The following SMARCA5 variants were observed in gnomAD, a reference collection of about 807,000 sequenced individuals.
SMARCA5 encodes the protein SNF2 related chromatin remodeling ATPase 5.
A neutral mutation model predicts 140.4 loss-of-function variants in SMARCA5; 18 were observed. That is an observed-to-expected ratio of 0.13 (90% CI 0.09 to 0.19). The LOEUF is 0.19. Among genes scored for constraint, SMARCA5 ranks in the 10% least tolerant of loss-of-function variants. SMARCA5 has a pLI of 1.00. For synonymous variants in SMARCA5, 449 were observed against 419.6 expected (o/e 1.07, Z -0.86); for missense variants, 606 against 1,276.8 (o/e 0.47, Z 8.01).
At chr4:143,553,016 T>TA (rs1455837763) in intron 23 of SMARCA5, 103 bp from the exon 24 acceptor site, 8 of 822,412 alleles carry the variant, frequency 9.7e-6, no homozygotes, top group Non-Finnish European at 1.7e-5. Flanking sequence ...TCATACCTAT[T>TA]ACTTTGTAGT....
chr4:143,528,990 A>G (rs1458002583), intron 8 of SMARCA5, among the ~76,000 whole-genome samples: 3 of 152,054 alleles, frequency 2.0e-5, no homozygotes, highest in Admixed American at 1.3e-4. Flanking sequence ...GCTGAAGTGC[A>G]GTGGTGTGAT....
intron 14 of SMARCA5, 24 bp downstream of exon 14, chr4:143,540,519 T>C (rs750387928): frequency 1.3e-6 from 2 of 1,592,524 alleles, no homozygotes; most frequent in Non-Finnish European, 1.7e-6. Context: ...CTTTAAAACT[T>C]TACCAAGTTG....
chr4:143,521,265 T>G (rs1736951884), intron 2 of SMARCA5, among the ~76,000 whole-genome samples, 164 bp from the exon 3 acceptor site: 1 of 152,146 alleles, frequency 6.6e-6, no homozygotes, highest in South Asian at 2.1e-4. Flanking sequence ...GTGTTTGGCT[T>G]CTTTCACTTT....
chr4:143,537,612 T>G (rs1298167312), intron 11 of SMARCA5, among the ~76,000 whole-genome samples: 22 of 151,848 alleles, frequency 1.4e-4, no homozygotes, highest in Non-Finnish European at 2.9e-5. Flanking sequence ...TAATGAAAGG[T>G]ATATTAAACT....
At chr4:143,539,338 C>CTAT (rs1191911030) in intron 13 of SMARCA5, among the ~76,000 whole-genome samples, 4 of 152,118 alleles carry the variant, frequency 2.6e-5, no homozygotes, top group African/African-American at 9.7e-5. Context: ...ATAGTTATAT[C>CTAT]ACAGGACCAA....
At position 143,555,550 on chromosome 4, in the gene SMARCA5, C is replaced by T. The variant is rs1737729555; in HGVS notation, c.*2366C>T. The T allele has an allele frequency of 2.8e-6, 1 of 356,292 alleles. No individual in the cohort carries two copies. Among genetic ancestry groups the T allele is most frequent in the South Asian group, 2.9e-5 (1 of 35,074 alleles). 22.1% of individuals were successfully genotyped at this position (356,292 alleles called of 1,614,324 possible). On this transcript the variant is annotated 3_prime_UTR_variant, in exon 24 of 24. Transcript: ENST00000283131. The stretch of plus-strand genomic sequence containing the variant: ...TTGCTAAATGTTTTAATAATCTGAT[C>T]ATGATACTGAATAAATGTCTTTTTT...
chr4:143,548,295 G>C (rs1737571161), intron 22 of SMARCA5, 155 bp downstream of exon 22: 2 of 506,424 alleles, frequency 3.9e-6, no homozygotes, highest in Admixed American at 6.6e-5. Context: ...TAGCTTACAA[G>C]TTTATTGGTC....
rs769674972 is a variant in SMARCA5 at position 143,554,967 on chromosome 4, G to C, written c.*1783G>C. On this transcript the variant is annotated 3_prime_UTR_variant, in exon 24 of 24. Transcript: ENST00000283131. ...TCACTTGAAAAAAAAGCATGAACCA[G>C]CTAGGCCCTGCCACCACTGTGTTTG... The C allele has an allele frequency of 4.2e-5, 18 of 431,882 alleles. No homozygotes were observed. Among genetic ancestry groups the C allele is most frequent in the Non-Finnish European group, 7.0e-5 (16 of 227,732 alleles). The allele number at this position is 431,882 out of a possible 1,614,324, so 26.8% of individuals were successfully genotyped here.
chr4:143,533,926 C>T (rs1192161420), intron 9 of SMARCA5, among the ~76,000 whole-genome samples: 3 of 152,148 alleles, frequency 2.0e-5, no homozygotes, highest in Admixed American at 6.5e-5. Flanking sequence ...TATACAGGCA[C>T]ATCTCATTAC....
rs946425136 is a variant in SMARCA5 at position 143,517,348 on chromosome 4, C to T, written c.178-7C>T. On this transcript the variant is annotated splice_region_variant and splice_polypyrimidine_tract_variant and intron_variant, in intron 1 of 23. Coordinates refer to ENST00000283131, the MANE Select transcript of SMARCA5 (RefSeq NM_003601.4). ...ACCAATTCTATTTAATTATTTCTTTCTACCAGGAAATATTTGATGATGCGT... is the reference window on the plus strand; with the variant it reads ...ACCAATTCTATTTAATTATTTCTTTTTACCAGGAAATATTTGATGATGCGT... 6.3e-7 allele frequency: 1 copy of T among 1,597,054 alleles called. No individual in the cohort carries two copies. The highest frequency in any genetic ancestry group is 8.5e-7 in the Non-Finnish European group (1 of 1,169,710).
chr4:143,528,448 G>T, intron 7 of SMARCA5, 135 bp from the exon 8 acceptor site: 1 of 645,768 alleles, frequency 1.5e-6, no homozygotes. Context: ...CGTACTATTC[G>T]CTGATGTATA....
intron 18 of SMARCA5, 32 bp downstream of exon 18, chr4:143,545,615 C>T: frequency 7.9e-7 from 1 of 1,260,334 alleles, no homozygotes; most frequent in Non-Finnish European, 1.2e-6. Context: ...TCTGTTCATT[C>T]CTATCCAGAA....
chr4:143,526,004 T>G (rs1438730642), intron 5 of SMARCA5, among the ~76,000 whole-genome samples: 1 of 152,224 alleles, frequency 6.6e-6, no homozygotes, highest in Non-Finnish European at 1.5e-5. Flanking sequence ...AAGTATGAAG[T>G]CAAAAGAAAT....
rs962696345 is a variant in SMARCA5, at chr4:143,530,959, G to A, written c.1158+433G>A. ...GCGTCTAGAGTAGCTGGGGCTACAG[G>A]CTCTGGCCACCATGCCCAGCTAATT... On this transcript the variant is annotated intron_variant, in intron 9 of 23. Transcript: ENST00000283131. Among the ~76,000 whole-genome samples the A allele has an allele frequency of 5.3e-5, 8 of 152,112 alleles. No individual in the cohort carries two copies. In the South Asian group the frequency reaches 6.2e-4, roughly 12 times the overall value.
At chr4:143,547,025 T>C (rs964077711) in intron 20 of SMARCA5, 117 bp downstream of exon 20, 3 of 875,336 alleles carry the variant, frequency 3.4e-6, no homozygotes, top group Non-Finnish European at 5.0e-6. Context: ...TAGTACCTTC[T>C]TCATTATTTT....
chr4:143,522,007 G>A (rs1280798829), intron 3 of SMARCA5, among the ~76,000 whole-genome samples: 1 of 151,408 alleles, frequency 6.6e-6, no homozygotes, highest in Non-Finnish European at 1.5e-5. Flanking sequence ...TAGATGTCAC[G>A]TCATTCCTCA....
At chr4:143,543,020 C>T (rs1013983463) in intron 14 of SMARCA5, among the ~76,000 whole-genome samples, 3 of 152,106 alleles carry the variant, frequency 2.0e-5, no homozygotes, top group African/African-American at 7.2e-5. Context: ...AGTTTCAGTT[C>T]TTCTGGAAGT....
intron 10 of SMARCA5, among the ~76,000 whole-genome samples, chr4:143,536,070 C>T (rs1737296154): frequency 6.6e-6 from 1 of 152,056 alleles, no homozygotes; most frequent in Admixed American, 6.6e-5. Flanking sequence ...ATATAGTAAT[C>T]GAATAGTGGC....
chr4:143,514,255 T>C (rs1302200338), intron 1 of SMARCA5, 154 bp downstream of exon 1: 1 of 689,370 alleles, frequency 1.5e-6, no homozygotes, highest in Non-Finnish European at 2.3e-6. Context: ...CTCTCACTCT[T>C]GCTCCCTTGT....
Sources: gnomAD v4.1 joint callset for allele counts (sites outside exome capture counted in the v4.1 genomes callset) on GRCh38, gnomAD v4.1.1 for gene constraint, MANE v1.5 for transcripts, NCBI Gene and HGNC (gene_info 2026-07-23, HGNC 2026-07-21) for gene names.